LDB1: variants seen among roughly 807,000 people sequenced by gnomAD.
The protein encoded by LDB1 is LIM domain binding 1.
LDB1 carries 6 observed loss-of-function variants against 49.7 expected under a neutral mutation model. That is an observed-to-expected ratio of 0.12 (90% CI 0.07 to 0.24). The LOEUF (loss-of-function observed/expected upper bound fraction) is 0.24, where lower values mean the gene tolerates loss of function less well. Ranked by LOEUF, LDB1 falls within the 10% of genes least tolerant of loss-of-function variation. LDB1 has a pLI of 1.00. For missense variants in LDB1, 341 were observed against 561.7 expected (o/e 0.61, Z 3.97); for synonymous variants, 233 against 202.0 (o/e 1.15, Z -1.30).
intron 1 of LDB1, chr10:102,114,812 G>GGGGGGGGGCCCCCCCCC: frequency 1.1e-6 from 1 of 929,818 alleles, no homozygotes; most frequent in Non-Finnish European, 1.3e-6. Flanking sequence ...CCTCCGAGCA[G>GGGGGGGGGCCCCCCCCC]CCCGCCCGCC....
At chr10:102,102,215 G>A (rs566585635), downstream of LDB1, among the ~76,000 whole-genome samples, 72 of 152,346 alleles carry the variant, frequency 4.7e-4, no homozygotes, top group Admixed American at 9.1e-4. Context: ...GTAAGCCACC[G>A]CACCTGGCCC....
chr10:102,114,885 C>T, intron 1 of LDB1: 1 of 981,068 alleles, frequency 1.0e-6, no homozygotes, highest in Non-Finnish European at 1.2e-6. Context: ...GGCACTCACA[C>T]TCACTCACAC....
downstream of LDB1, among the ~76,000 whole-genome samples, chr10:102,106,014 G>A (rs2068156120): frequency 6.6e-6 from 1 of 152,018 alleles, no homozygotes; most frequent in Admixed American, 6.6e-5. Context: ...ACATCAGCCA[G>A]GCTAGTAGAC....
At chr10:102,114,874 C>A in intron 1 of LDB1, 1 of 983,094 alleles carries the variant, frequency 1.0e-6, no homozygotes, top group Non-Finnish European at 1.2e-6. Context: ...AGGCAGGACC[C>A]GGCACTCACA....
downstream of LDB1, among the ~76,000 whole-genome samples, chr10:102,104,295 A>C (rs2068138527): frequency 6.6e-6 from 1 of 152,162 alleles, no homozygotes; most frequent in Non-Finnish European, 1.5e-5. Flanking sequence ...ACATGGTCAG[A>C]CTATCCGAAT....
chr10:102,109,746 T>C lies in LDB1; in HGVS notation c.649-63A>G. On this transcript the variant is annotated intron_variant, in intron 7 of 10. Transcript: ENST00000673968. This position sits in a 1 kb window ranked among gnomAD's most constrained non-coding sequence, Gnocchi z 5.8. ...CTGGGTTGCCTCTGCTCACCTGCCC[T>C]ATCATCTGAGCATTGTGACACTCCT... is the stretch of plus-strand genomic sequence containing the variant. 6.4e-7 allele frequency: 1 copy of C among 1,556,776 alleles called. No individual in the cohort carries two copies.
chr10:102,110,787 T>C, intron 5 of LDB1, 82 bp downstream of exon 5: 1 of 1,579,662 alleles, frequency 6.3e-7, no homozygotes, highest in Non-Finnish European at 8.7e-7. Context: ...AGATATCCCC[T>C]GGCACTCCCA....
downstream of LDB1, among the ~76,000 whole-genome samples, chr10:102,102,204 C>G (rs145643419): frequency 4.8e-3 from 730 of 152,306 alleles, 10 homozygotes; most frequent in African/African-American, 0.017. Context: ...GGATTACAGG[C>G]GTAAGCCACC....
At chr10:102,111,648 A>C (rs2068256488) in intron 1 of LDB1, 112 bp from the exon 2 acceptor site, 1 of 615,436 alleles carries the variant, frequency 1.6e-6, no homozygotes, top group Admixed American at 3.2e-5. Flanking sequence ...TCGAGGCTGC[A>C]GGGACCAGCC....
chr10:102,104,926 C>T (rs2068143597), downstream of LDB1, among the ~76,000 whole-genome samples: 1 of 152,188 alleles, frequency 6.6e-6, no homozygotes, highest in Admixed American at 6.5e-5. Context: ...ATCATATCCC[C>T]AGCACCTAGA....
chr10:102,119,970 C>T (rs1001854492), intron 1 of LDB1, 116 bp downstream of exon 1: 7 of 767,966 alleles, frequency 9.1e-6, no homozygotes, highest in Non-Finnish European at 1.3e-5. Context: ...CCTTCCAGCC[C>T]CCGGCTTCCC....
At chr10:102,120,524 C>T, upstream of LDB1, 2 of 309,708 alleles carry the variant, frequency 6.5e-6, no homozygotes, top group Non-Finnish European at 9.4e-6. Context: ...TATTAATATG[C>T]TAATTGTCCT....
rs2068351895 is a variant in LDB1 at position 102,117,648 on chromosome 10, G to C, written c.25+2438C>G. ...GGCGCTCTGCCATCCTCCTCTCCTG[G>C]CTCCCAGCCGCCACCACTGCTGCCT... On this transcript the variant is annotated intron_variant, in intron 1 of 10. Transcript: ENST00000673968. This position sits in a 1 kb window ranked among gnomAD's most constrained non-coding sequence, Gnocchi z 4.2. Among the ~76,000 whole-genome samples, 1 of 151,996 alleles carries C rather than the reference G, an allele frequency of 6.6e-6. No homozygotes were observed. The highest frequency in any genetic ancestry group is 2.1e-4 in the South Asian group (1 of 4,806).
At position 102,117,202 on chromosome 10, in the gene LDB1, G is replaced by T. The variant is rs1479718412; in HGVS notation, c.25+2884C>A. Among the ~76,000 whole-genome samples, 1 of 152,098 alleles carries T rather than the reference G, an allele frequency of 6.6e-6. No individual in the cohort carries two copies. Among genetic ancestry groups the T allele is most frequent in the East Asian group, 1.9e-4 (1 of 5,190 alleles). ...CCCACCCTGTCTCCTCAGACAGGAG[G>T]GACTACAAGGGCCCTCCAGTCTCGC... On this transcript the variant is annotated intron_variant, in intron 1 of 10. Coordinates refer to ENST00000673968, the MANE Select transcript of LDB1 (RefSeq NM_001113407.3). The surrounding 1 kb of genome is among the most constrained non-coding windows in gnomAD (Gnocchi z 4.2).
chr10:102,114,580 T>A (rs2786844), intron 1 of LDB1: 983,314 of 985,466 alleles, frequency 1, 490,584 homozygotes, highest in East Asian at 1. Context: ...TCGCACGCAC[T>A]GCCTCGGCCC....
At chr10:102,103,831 G>A (rs1449073468), downstream of LDB1, among the ~76,000 whole-genome samples, 1 of 151,906 alleles carries the variant, frequency 6.6e-6, no homozygotes, top group African/African-American at 2.4e-5. Context: ...AGAAAAAGTA[G>A]AGATGAGGTC....
At chr10:102,118,816 G>A (rs2068365319) in intron 1 of LDB1, among the ~76,000 whole-genome samples, 1 of 152,190 alleles carries the variant, frequency 6.6e-6, no homozygotes, top group Non-Finnish European at 1.5e-5. Context: ...TAGAAAGAGG[G>A]ACGACGGGGC....
chr10:102,119,972 C>G, intron 1 of LDB1, 114 bp downstream of exon 1: 4 of 777,474 alleles, frequency 5.1e-6, no homozygotes, highest in Middle Eastern at 2.6e-4. Context: ...TTCCAGCCCC[C>G]GGCTTCCCCC....
intron 4 of LDB1, 34 bp downstream of exon 4, chr10:102,111,035 C>G (rs759280097): frequency 6.2e-7 from 1 of 1,612,968 alleles, no homozygotes; most frequent in Non-Finnish European, 8.5e-7. Flanking sequence ...CCAGATGGCC[C>G]TCCTGCTCCC....
Sources: allele counts gnomAD v4.1 joint callset (sites outside exome capture counted in the v4.1 genomes callset), GRCh38; gene constraint gnomAD v4.1.1; non-coding constraint Gnocchi (gnomAD v3.1); transcripts MANE v1.5; gene names NCBI Gene and HGNC (gene_info 2026-07-23, HGNC 2026-07-21).